Variants in CES5A observed in about 807,000 individuals in gnomAD.
The protein encoded by CES5A is carboxylesterase 5A.
A neutral mutation model predicts 62.9 loss-of-function variants in CES5A; 67 were observed. That is an observed-to-expected ratio of 1.07 (90% CI 0.88 to 1.31). The LOEUF (loss-of-function observed/expected upper bound fraction) is 1.31, where lower values mean the gene tolerates loss of function less well. CES5A is among the 50% of genes most tolerant of loss of function. CES5A has a pLI of 0.00. For synonymous variants in CES5A, 296 were observed against 280.8 expected, an observed-to-expected ratio of 1.05 and a Z score of -0.54; for missense variants, 748 against 708.5, an observed-to-expected ratio of 1.06 and a Z score of -0.63.
chr16:55,908,037 A>T (rs1202893299), intron 1 of CES5A, among the ~76,000 whole-genome samples: 2 of 152,132 alleles, frequency 1.3e-5, no homozygotes, highest in Non-Finnish European at 2.9e-5. Context: ...CTCCTAAGCT[A>T]TCAGAGTATG....
chr16:55,920,822 C>G (rs1450689190), intron 1 of CES5A, among the ~76,000 whole-genome samples: 2 of 152,108 alleles, frequency 1.3e-5, no homozygotes, highest in Non-Finnish European at 2.9e-5. Flanking sequence ...TCTCTTTCAC[C>G]AAGAATTCAA....
At chr16:55,954,359 T>C (rs1303208649) in intron 1 of CES5A, among the ~76,000 whole-genome samples, 2 of 151,942 alleles carry the variant, frequency 1.3e-5, no homozygotes, top group East Asian at 1.9e-4. Flanking sequence ...GAAAGAAAAT[T>C]TGAGGAAAAT....
chr16:55,864,757 G>A (rs1439220555), intron 5 of CES5A, among the ~76,000 whole-genome samples: 4 of 151,996 alleles, frequency 2.6e-5, no homozygotes, highest in African/African-American at 9.7e-5. Flanking sequence ...TAAAAAAAAA[G>A]AATTAGCTGG....
At chr16:55,875,120 GA>G in intron 1 of CES5A, 28 bp downstream of exon 1, 2 of 1,604,942 alleles carry the variant, frequency 1.2e-6, no homozygotes, top group Non-Finnish European at 1.7e-6. Context: ...CATCTTCTGA[GA>G]GCCCTCCTTT....
At position 55,863,427 on chromosome 16, in the gene CES5A, A is replaced by C. The variant is rs2033394426; in HGVS notation, c.731T>G (p.Leu244Ter). The change falls in exon 6 of 13, where the codon TTA (leucine) becomes TGA (stop). Residue 244 changes from leucine (L) to a stop codon, truncating the protein, a stop_gained. Coordinates refer to ENST00000290567, the MANE Select transcript of CES5A (RefSeq NM_001143685.2). LOFTEE classifies it high-confidence loss of function. ...SLILSPMAKGLFHKAIMESGV... is the reference protein window; with the variant it reads ...SLILSPMAKG The stretch of plus-strand genomic sequence containing the variant: ...ACTCTCCATGATGGCTTTGTGGAAT[A>C]AGCCTTTGGCCATGGGAGACAGTAT... 1 of 1,605,564 alleles carries C rather than the reference A, an allele frequency of 6.2e-7. No homozygotes were observed. Among genetic ancestry groups the C allele is most frequent in the Non-Finnish European group, 8.5e-7 (1 of 1,173,552 alleles).
chr16:55,927,505 T>C (rs147184329), upstream of CES5A, among the ~76,000 whole-genome samples: 66 of 152,270 alleles, frequency 4.3e-4, no homozygotes, highest in African/African-American at 1.3e-3. Flanking sequence ...CCAACAATAG[T>C]ATGAAAACAA....
chr16:55,874,604 A>G (rs1427034144), intron 1 of CES5A, among the ~76,000 whole-genome samples: 4 of 152,134 alleles, frequency 2.6e-5, no homozygotes, highest in Non-Finnish European at 4.4e-5. Flanking sequence ...TTGAATACAC[A>G]TGAATATTCA....
At chr16:55,882,336 C>T (rs2033770699) in intron 1 of CES5A, among the ~76,000 whole-genome samples, 1 of 152,118 alleles carries the variant, frequency 6.6e-6, no homozygotes, top group African/African-American at 2.4e-5. Flanking sequence ...ATACCAGGAC[C>T]CACTAATGCA....
At chr16:55,863,980 C>G in intron 5 of CES5A, among the ~76,000 whole-genome samples, 1 of 152,060 alleles carries the variant, frequency 6.6e-6, no homozygotes, top group East Asian at 1.9e-4. Flanking sequence ...TAGTCTCAAT[C>G]TCCTGACCAC....
chr16:55,944,986 T>C (rs2034479373), intron 2 of CES5A, among the ~76,000 whole-genome samples: 1 of 152,232 alleles, frequency 6.6e-6, no homozygotes, highest in Non-Finnish European at 1.5e-5. Context: ...TGCTTCTCAC[T>C]TGCTATATGC....
chr16:55,863,206 G>C, intron 6 of CES5A, 142 bp downstream of exon 6: 1 of 644,840 alleles, frequency 1.6e-6, no homozygotes, highest in East Asian at 2.7e-5. Context: ...CTTTCACGGA[G>C]GAACAAGGTT....
intron 10 of CES5A, among the ~76,000 whole-genome samples, chr16:55,850,826 T>C (rs56008707): frequency 0.083 from 12,673 of 152,292 alleles, 666 homozygotes; most frequent in South Asian, 0.19. Context: ...GTGGCTGCAC[T>C]GTTTTATGTC....
At chr16:55,950,333 C>T (rs1267890919) in intron 1 of CES5A, among the ~76,000 whole-genome samples, 7 of 152,026 alleles carry the variant, frequency 4.6e-5, no homozygotes, top group Non-Finnish European at 7.4e-5. Flanking sequence ...GAACTACATC[C>T]CCATGGAAAG....
chr16:55,883,256 T>C (rs574380915), intron 1 of CES5A, among the ~76,000 whole-genome samples: 2 of 152,014 alleles, frequency 1.3e-5, no homozygotes, highest in Non-Finnish European at 2.9e-5. Context: ...CATTGCATCT[T>C]TTTTTTGTTT....
At chr16:55,927,279 G>A (rs1470817530), upstream of CES5A, among the ~76,000 whole-genome samples, 1 of 152,084 alleles carries the variant, frequency 6.6e-6, no homozygotes, top group Non-Finnish European at 1.5e-5. Flanking sequence ...TTAATTAAAT[G>A]AAAAGGCTTC....
intron 2 of CES5A, among the ~76,000 whole-genome samples, chr16:55,942,491 G>A (rs907057879): frequency 6.6e-6 from 1 of 152,184 alleles, no homozygotes; most frequent in Non-Finnish European, 1.5e-5. Context: ...TTTAACTACA[G>A]TGAGACACCG....
At chr16:55,903,684 T>C (rs1432207465) in intron 1 of CES5A, among the ~76,000 whole-genome samples, 1 of 152,212 alleles carries the variant, frequency 6.6e-6, no homozygotes, top group African/African-American at 2.4e-5. Flanking sequence ...AGCAGTGTTA[T>C]CAGGTGGGCT....
At chr16:55,954,967 C>A (rs1161924038) in intron 1 of CES5A, among the ~76,000 whole-genome samples, 4 of 152,142 alleles carry the variant, frequency 2.6e-5, no homozygotes, top group Non-Finnish European at 5.9e-5. Context: ...CTTCTCTGGA[C>A]CTTAGCTTCT....
intron 4 of CES5A, among the ~76,000 whole-genome samples, chr16:55,868,018 C>T (rs2033499412): frequency 6.6e-6 from 1 of 152,172 alleles, no homozygotes; most frequent in Non-Finnish European, 1.5e-5. Flanking sequence ...TGGTACACTA[C>T]TCTGTGAAAG....
Sources: gnomAD v4.1 joint callset for allele counts (sites outside exome capture counted in the v4.1 genomes callset) on GRCh38, gnomAD v4.1.1 for gene constraint, MANE v1.5 for transcripts, NCBI Gene and HGNC (gene_info 2026-07-23, HGNC 2026-07-21) for gene names.